Variants in KIAA0232 observed in about 807,000 individuals in gnomAD.
The protein encoded by KIAA0232 is uncharacterized protein KIAA0232.
Under a neutral mutation model 122.0 loss-of-function variants are expected in KIAA0232, and 27 were observed. The observed-to-expected ratio is 0.22, with a 90% CI of 0.16 to 0.31. The LOEUF is 0.31. Among genes scored for constraint, KIAA0232 ranks in the 10% least tolerant of loss-of-function variants. The pLI is 1.00. For synonymous variants in KIAA0232, 613 were observed against 587.6 expected (o/e 1.04, Z -0.63); for missense variants, 1,551 against 1,634.2 (o/e 0.95, Z 0.88).
intron 6 of KIAA0232, 118 bp from the exon 7 acceptor site, chr4:6,860,783 G>A (rs182806310): frequency 3.5e-6 from 3 of 851,036 alleles, no homozygotes; most frequent in Middle Eastern, 4.9e-4. Flanking sequence ...ATTCTTGGAT[G>A]ATGTGAATGT....
chr4:6,874,612 G>A (rs897118600), intron 8 of KIAA0232, among the ~76,000 whole-genome samples: 1 of 152,190 alleles, frequency 6.6e-6, no homozygotes, highest in Non-Finnish European at 1.5e-5. Context: ...CTGCAGGGAA[G>A]CAGTACAGAC....
At chr4:6,812,850 A>G (rs1298096072) in intron 2 of KIAA0232, among the ~76,000 whole-genome samples, 2 of 152,202 alleles carry the variant, frequency 1.3e-5, no homozygotes, top group Non-Finnish European at 2.9e-5. Flanking sequence ...AATTGAGAGA[A>G]CAGTCCACAG....
intron 6 of KIAA0232, 95 bp from the exon 7 acceptor site, chr4:6,860,806 A>G: frequency 9.3e-7 from 1 of 1,071,852 alleles, no homozygotes; most frequent in Middle Eastern, 2.1e-4. Context: ...ACACTACTAA[A>G]ATGAAATATT....
intron 1 of KIAA0232, among the ~76,000 whole-genome samples, chr4:6,792,337 A>T (rs1345363878): frequency 6.6e-6 from 1 of 152,250 alleles, no homozygotes; most frequent in East Asian, 1.9e-4. Context: ...ATTTTTGTAC[A>T]TATGTCTTAG....
rs779092286 is a variant in KIAA0232 at position 6,862,339 on chromosome 4, G to A, written c.1957G>A (p.Val653Met). The stretch of plus-strand genomic sequence containing the variant: ...AAACTCTTGTTTTTCAGTGTTTGAA[G>A]TGCAATGCAGTAATTCTGTTTTACC... ...GINSCFSVFE[V>M]QCSNSVLPFS... The change falls in exon 7 of 10, where the codon GTG becomes ATG. Residue 653 changes from valine (V) to methionine (M), a missense_variant. Physicochemically the swap from Val to Met is conservative, Grantham distance 21. Transcript: ENST00000307659. 6.2e-7 allele frequency: 1 copy of A among 1,614,136 alleles called. No individual in the cohort carries two copies. The highest frequency in any genetic ancestry group is 1.1e-5 in the South Asian group (1 of 91,080).
intron 1 of KIAA0232, among the ~76,000 whole-genome samples, chr4:6,802,747 A>G (rs1305789157): frequency 6.6e-6 from 1 of 152,142 alleles, no homozygotes; most frequent in Non-Finnish European, 1.5e-5. Context: ...TCAGGTATAG[A>G]GCAAGGTGTG....
In KIAA0232 at chr4:6,884,038, T is replaced by C. The variant is rs1303653899; in HGVS notation, c.*3072T>C. 1 of 152,246 alleles carries C rather than the reference T, an allele frequency of 6.6e-6. No individual in the cohort carries two copies. The highest frequency in any genetic ancestry group is 1.5e-5 in the Non-Finnish European group (1 of 68,048). 9.4% of individuals were successfully genotyped at this position (152,246 alleles called of 1,614,324 possible). On this transcript the variant is annotated 3_prime_UTR_variant, in exon 10 of 10. Transcript: ENST00000307659. ...AACAGGTTCCTCATTGATAAAACAATGTTTTTTTGGTTGTTTATTCAGTAT... is the reference window on the plus strand; with the variant it reads ...AACAGGTTCCTCATTGATAAAACAACGTTTTTTTGGTTGTTTATTCAGTAT...
At chr4:6,843,206 C>T (rs936409614) in intron 4 of KIAA0232, among the ~76,000 whole-genome samples, 4 of 152,074 alleles carry the variant, frequency 2.6e-5, no homozygotes, top group African/African-American at 7.2e-5. Context: ...TCTGTGAGAT[C>T]GTAACTACTG....
chr4:6,790,078 C>T (rs754756286), intron 1 of KIAA0232, among the ~76,000 whole-genome samples: 1 of 152,082 alleles, frequency 6.6e-6, no homozygotes, highest in Non-Finnish European at 1.5e-5. Flanking sequence ...TTACACTATA[C>T]AGTATGTTAT....
chr4:6,821,326 C>T lies in KIAA0232; in HGVS notation c.-269-2859C>T, dbSNP rs114071936. ...GATTTTGGTGCACCCATCACCTGAG[C>T]GGCATACACTCTACCCAGTTTGTAG... On this transcript the variant is annotated intron_variant, in intron 2 of 9. Coordinates refer to ENST00000307659, the MANE Select transcript of KIAA0232 (RefSeq NM_014743.3). 7.2e-3 allele frequency among the ~76,000 whole-genome samples: 1,101 copies of T among 152,108 alleles called. 14 individuals are homozygous for T. Among genetic ancestry groups the T allele is most frequent in the African/African-American group, 0.025 (1,054 of 41,506 alleles).
At chr4:6,794,136 C>T (rs762861327) in intron 1 of KIAA0232, among the ~76,000 whole-genome samples, 8 of 152,124 alleles carry the variant, frequency 5.3e-5, no homozygotes, top group Non-Finnish European at 7.3e-5. Flanking sequence ...TCCACTTGGT[C>T]GGATTCCCGT....
intron 3 of KIAA0232, among the ~76,000 whole-genome samples, chr4:6,837,363 G>A (rs1372840424): frequency 3.3e-5 from 5 of 151,276 alleles, no homozygotes; most frequent in Non-Finnish European, 7.4e-5. Flanking sequence ...ATGGGCGGCC[G>A]GGCAGAGAGG....
intron 4 of KIAA0232, among the ~76,000 whole-genome samples, chr4:6,853,113 T>C (rs1288362196): frequency 6.6e-6 from 1 of 152,210 alleles, no homozygotes; most frequent in Non-Finnish European, 1.5e-5. Context: ...GACTGACTGA[T>C]TCCCCCATCC....
In KIAA0232 at chr4:6,876,655, T is replaced by G; in HGVS notation, c.3911-5T>G. On this transcript the variant is annotated splice_polypyrimidine_tract_variant and splice_region_variant and intron_variant, in intron 8 of 9. Coordinates refer to ENST00000307659, the MANE Select transcript of KIAA0232 (RefSeq NM_014743.3). ...CTTTTCCCTTCTCCATTCCAAATGA[T>G]TAAGAATGTTACACAAATGCCAAGG... The G allele has an allele frequency of 3.8e-6, 6 of 1,583,028 alleles. No individual in the cohort carries two copies. Among genetic ancestry groups the G allele is most frequent in the Non-Finnish European group, 5.2e-6 (6 of 1,151,726 alleles).
At chr4:6,809,532 A>G (rs138245049) in intron 2 of KIAA0232, among the ~76,000 whole-genome samples, 3 of 152,348 alleles carry the variant, frequency 2.0e-5, no homozygotes. Flanking sequence ...TCCAGGATGA[A>G]CACATAGTAT....
intron 3 of KIAA0232, among the ~76,000 whole-genome samples, chr4:6,825,511 C>T (rs66514314): frequency 0.12 from 17,807 of 152,032 alleles, 1,508 homozygotes; most frequent in East Asian, 0.42. Context: ...GCCATGATTG[C>T]GCCATTGCAC....
At position 6,864,121 on chromosome 4, in the gene KIAA0232, A is replaced by G; in HGVS notation, c.3739A>G (p.Lys1247Glu). ...EEEINNFCGC[K>E]AGCQFPAYED... ...AGAAATTAATAATTTTTGTGGTTGC[A>G]AAGCAGGTTGTCAGTTTCCTGCTTA... is the stretch of plus-strand genomic sequence containing the variant. The change falls in exon 7 of 10, where the codon AAA becomes GAA. Residue 1247 changes from lysine (K) to glutamate (E), a missense_variant. Physicochemically the swap from Lys to Glu is moderately conservative, Grantham distance 56. Around this residue, in one of 5 missense-constraint regions of KIAA0232, gnomAD observed 1,108 missense variants for 1,154.8 expected, o/e 0.96. Coordinates refer to ENST00000307659, the MANE Select transcript of KIAA0232 (RefSeq NM_014743.3). 8 of 1,614,172 alleles carry G rather than the reference A, an allele frequency of 5.0e-6. No homozygotes were observed. The highest frequency in any genetic ancestry group is 6.8e-6 in the Non-Finnish European group (8 of 1,180,028).
intron 3 of KIAA0232, among the ~76,000 whole-genome samples, chr4:6,825,043 A>G (rs141774796): frequency 6.8e-4 from 104 of 152,354 alleles, no homozygotes; most frequent in African/African-American, 2.4e-3. Flanking sequence ...TTATGAATAG[A>G]TATTTAAACA....
chr4:6,833,336 G>A (rs1360396998), intron 3 of KIAA0232, among the ~76,000 whole-genome samples: 1 of 152,110 alleles, frequency 6.6e-6, no homozygotes, highest in Non-Finnish European at 1.5e-5. Context: ...CAGAGCTCCA[G>A]GAAGAAAGCC....
Sources: allele counts gnomAD v4.1 joint callset (sites outside exome capture counted in the v4.1 genomes callset), GRCh38; gene constraint gnomAD v4.1.1; regional missense constraint gnomAD v4.1.1; transcripts MANE v1.5; gene names NCBI Gene and HGNC (gene_info 2026-07-23, HGNC 2026-07-21).